HELZ2: variants seen among roughly 807,000 people sequenced by gnomAD.
HELZ2 encodes helicase with zinc finger 2, also known as 3'-5' exoribonuclease HELZ2.
In HELZ2, 143 loss-of-function variants were observed where a neutral mutation model predicts 208.8. The observed-to-expected ratio is 0.68, with a 90% CI of 0.60 to 0.79. The LOEUF (loss-of-function observed/expected upper bound fraction) is 0.79. Among genes scored for constraint, HELZ2 ranks in the 30% least tolerant of loss-of-function variants. HELZ2 has a pLI of 0.00. For missense variants in HELZ2, 3,690 were observed against 3,794.5 expected (o/e 0.97, Z 0.72); for synonymous variants, 1,705 against 1,693.7 (o/e 1.01, Z -0.16).
At chr20:63,565,106 A>C in exon 8 of HELZ2, 1 of 1,567,478 alleles carries the variant, frequency 6.4e-7, no homozygotes, top group Non-Finnish European at 8.7e-7. Context: ...GAGGCTGTAG[A>C]TGGGGACCTG....
chr20:63,566,369 G>T lies in HELZ2; in HGVS notation c.2590+9C>A, dbSNP rs1335430826. The T allele has an allele frequency of 6.5e-7, 1 of 1,547,740 alleles. No homozygotes were observed. On this transcript the variant is annotated intron_variant, in intron 7 of 18. Transcript: ENST00000467148. ...CAGCTGGCAGCACCTGGCCCCGCTG[G>T]TCACCCACCTGGCAGGATCTCAAAA...
At position 63,567,631 on chromosome 20, in the gene HELZ2, C is replaced by T. The variant is rs201790169; in HGVS notation, c.1731-4G>A. Reference sequence around the variant, plus strand: ...CCGGATGTAGATGTCGGCGGCACTGCGGGAGGGGGAGGAGCTCATGGGCTT... The same window carrying T: ...CCGGATGTAGATGTCGGCGGCACTGTGGGAGGGGGAGGAGCTCATGGGCTT... On this transcript the variant is annotated splice_region_variant and splice_polypyrimidine_tract_variant and intron_variant, in intron 5 of 18. Coordinates refer to ENST00000467148, the Ensembl canonical transcript of HELZ2. The T allele has an allele frequency of 1.4e-4, 218 of 1,597,640 alleles. 2 individuals are homozygous for T. The highest frequency in any genetic ancestry group is 1.1e-5 in the South Asian group (1 of 88,730).
exon 14 of HELZ2, chr20:63,561,194 G>C (rs1319707164): frequency 1.9e-6 from 3 of 1,612,912 alleles, no homozygotes; most frequent in Non-Finnish European, 2.5e-6. Flanking sequence ...GCTGGCAGAG[G>C]CTGCACAGGA....
rs547765156 is a variant in HELZ2 at position 63,562,774 on chromosome 20, C to T, written c.6048G>A (p.Pro2016=). 41 of 1,606,228 alleles carry T rather than the reference C, an allele frequency of 2.6e-5. No homozygotes were observed. In the East Asian group the frequency reaches 5.2e-4, roughly 20 times the overall value. ...CAGGGCGTGGGCTGGCCGTGGGAGC[C>T]GGCAGCCCCTCGAGCCGGATGCAGA... Residue 2016 remains proline (P), a synonymous_variant, in exon 8 of 19, where the codon CCG becomes CCA. Coordinates refer to ENST00000467148, the Ensembl canonical transcript of HELZ2.
exon 16 of HELZ2, chr20:63,560,682 C>T (rs1186338925): frequency 3.1e-6 from 5 of 1,608,558 alleles, no homozygotes; most frequent in Non-Finnish European, 3.4e-6. Flanking sequence ...GAGGGGAAGG[C>T]ACAGATGCCC....
At chr20:63,565,086 G>A (rs769609562) in exon 8 of HELZ2, 12 of 1,562,252 alleles carry the variant, frequency 7.7e-6, no homozygotes, top group Middle Eastern at 1.7e-4. Flanking sequence ...CGCTGCAGCC[G>A]GCCCTTCCGG....
At chr20:63,564,184 C>T (rs941619528) in exon 8 of HELZ2, 14 of 1,611,484 alleles carry the variant, frequency 8.7e-6, no homozygotes, top group Admixed American at 3.3e-5. Context: ...TGACCGTCCG[C>T]GTGCACTCGC....
At chr20:63,560,055 G>A in exon 18 of HELZ2, 1 of 1,609,158 alleles carries the variant, frequency 6.2e-7, no homozygotes, top group African/African-American at 1.3e-5. Flanking sequence ...TCTTGGCACA[G>A]GTGCGGACGG....
chr20:63,560,171 C>T (rs1462334935), exon 17 of HELZ2: 12 of 1,553,470 alleles, frequency 7.7e-6, no homozygotes, highest in African/African-American at 1.4e-5. Flanking sequence ...CCAGCCTCAC[C>T]CTGGCTCTTG....
chr20:63,563,505 A>G, exon 8 of HELZ2: 1 of 1,514,174 alleles, frequency 6.6e-7, no homozygotes. Context: ...AGGGAGCCGT[A>G]GGGGACGGGG....
chr20:63,561,043 G>A (rs1451864437), intron 14 of HELZ2, 39 bp downstream of exon 15: 1 of 1,598,836 alleles, frequency 6.3e-7, no homozygotes, highest in Non-Finnish European at 8.5e-7. Flanking sequence ...CTGTGCCAGG[G>A]ACGCCTGCTC....
intron 18 of HELZ2, among the ~76,000 whole-genome samples, chr20:63,559,625 CAG>C (rs1276824322): frequency 3.1e-5 from 2 of 65,420 alleles, no homozygotes; most frequent in East Asian, 5.7e-4. Context: ...GGGAGTCAGT[CAG>C]AGTCAGGTGG....
At chr20:63,563,872 G>C (rs2082917625) in exon 8 of HELZ2, 1 of 1,596,356 alleles carries the variant, frequency 6.3e-7, no homozygotes, top group Non-Finnish European at 8.5e-7. Context: ...GGCCCCGGGC[G>C]CAGCGGCCGA....
chr20:63,567,673 G>A lies in HELZ2; in HGVS notation c.1731-46C>T. The A allele has an allele frequency of 4.5e-6, 7 of 1,560,284 alleles. No homozygotes were observed. In the South Asian group the frequency reaches 8.2e-5, roughly 18 times the overall value. ...CATGGGCTTCTTGCTGGGGGCCTCAGTGCTGTCCGCTAAAGCACCTACTGT... is the reference window on the plus strand; with the variant it reads ...CATGGGCTTCTTGCTGGGGGCCTCAATGCTGTCCGCTAAAGCACCTACTGT... On this transcript the variant is annotated intron_variant, in intron 5 of 18. Coordinates refer to ENST00000467148, the Ensembl canonical transcript of HELZ2.
At chr20:63,558,686 C>A (rs760761241), downstream of HELZ2, 4 of 152,240 alleles carry the variant, frequency 2.6e-5, no homozygotes, top group Admixed American at 6.6e-5. Flanking sequence ...TTACAGGCGC[C>A]CGCCACCACG....
chr20:63,558,475 C>T (rs1175136232), downstream of HELZ2: 1 of 152,346 alleles, frequency 6.6e-6, no homozygotes, highest in South Asian at 2.1e-4. Context: ...GCCCCCTCTC[C>T]CAGGGAGGCC....
In HELZ2 at chr20:63,572,187, T is replaced by C. The variant is rs749140035; in HGVS notation, c.199A>G (p.Met67Val). Residue 67 changes from methionine to valine, a missense_variant, in exon 1 of 19, where the codon ATG becomes GTG. Physicochemically the swap from Met to Val is conservative, Grantham distance 21. Around this residue, in one of 3 missense-constraint regions of HELZ2, gnomAD observed 1,119 missense variants for 1,193.4 expected, o/e 0.94. Transcript: ENST00000467148. Reference sequence around the variant, plus strand: ...GGCAGGGCCTGGTCGAAGGCCACCATCTGTGCGTGCTCCGAGGATGCGCAG... The same window carrying C: ...GGCAGGGCCTGGTCGAAGGCCACCACCTGTGCGTGCTCCGAGGATGCGCAG... 1.2e-6 allele frequency: 2 copies of C among 1,609,344 alleles called. No homozygotes were observed. The highest frequency in any genetic ancestry group is 1.7e-5 in the Admixed American group (1 of 59,394).
At chr20:63,567,785 C>T in intron 5 of HELZ2, 158 bp from the exon 7 acceptor site, 3 of 1,445,160 alleles carry the variant, frequency 2.1e-6, no homozygotes, top group Non-Finnish European at 2.7e-6. Flanking sequence ...TGTCAGGAGT[C>T]CAAGGGGCAA....
At chr20:63,562,789 C>T in exon 8 of HELZ2, 1 of 1,608,670 alleles carries the variant, frequency 6.2e-7, no homozygotes, top group Non-Finnish European at 8.5e-7. Context: ...GCCCCTCGAG[C>T]CGGATGCAGA....
Sources: gnomAD v4.1 joint callset for allele counts (sites outside exome capture counted in the v4.1 genomes callset) on GRCh38, gnomAD v4.1.1 for gene constraint, gnomAD v4.1.1 regional missense constraint, MANE v1.5 for transcripts, NCBI Gene and HGNC (gene_info 2026-07-23, HGNC 2026-07-21) for gene names.